PLK4: variants seen among roughly 807,000 people sequenced by gnomAD.
The protein encoded by PLK4 is serine/threonine-protein kinase PLK4.
A neutral mutation model predicts 103.0 loss-of-function variants in PLK4; 51 were observed. The observed-to-expected ratio is 0.50, with a 90% confidence interval of 0.40 to 0.63. PLK4 has a LOEUF of 0.63. Among genes scored for constraint, PLK4 ranks in the 20% least tolerant of loss-of-function variants. The pLI is 0.00. For missense variants in PLK4, 1,054 were observed against 1,151.0 expected, an observed-to-expected ratio of 0.92 and a Z score of 1.22; for synonymous variants, 389 against 376.8, an observed-to-expected ratio of 1.03 and a Z score of -0.38.
At chr4:127,884,085 T>C (rs1443722654) in intron 4 of PLK4, among the ~76,000 whole-genome samples, 1 of 152,194 alleles carries the variant, frequency 6.6e-6, no homozygotes, top group Non-Finnish European at 1.5e-5. Context: ...CTAGAAATAT[T>C]TCAAAGTATA....
intron 14 of PLK4, 74 bp downstream of exon 14, chr4:127,895,167 C>A: frequency 2.1e-6 from 2 of 950,146 alleles, no homozygotes; most frequent in Non-Finnish European, 3.0e-6. Context: ...AGACAATTAC[C>A]AAAAAATACA....
At chr4:127,887,712 C>CA (rs1735188406) in intron 6 of PLK4, among the ~76,000 whole-genome samples, 1 of 151,238 alleles carries the variant, frequency 6.6e-6, no homozygotes, top group Non-Finnish European at 1.5e-5. Flanking sequence ...CCTGTATCTA[C>CA]AAAAAATAAA....
chr4:127,881,893 C>T lies in PLK4; in HGVS notation c.93C>T (p.Ser31=). 6.2e-7 allele frequency: 1 copy of T among 1,606,016 alleles called. No homozygotes were observed. Among genetic ancestry groups the T allele is most frequent in the Non-Finnish European group, 8.5e-7 (1 of 1,172,626 alleles). Residue 31 remains serine (S), a synonymous_variant, in exon 2 of 16, where the codon TCC becomes TCT. Coordinates refer to ENST00000270861, the MANE Select transcript of PLK4 (RefSeq NM_014264.5). ...TTGCTGGTGTCTACAGAGCTGAGTC[C>T]ATTCACACTGGTTTGGAAGTTGCAA... ...GSFAGVYRAE[S]IHTGLEVAIK... is the part of the protein sequence containing the mutation.
chr4:127,888,973 A>G (rs544908318), intron 6 of PLK4, among the ~76,000 whole-genome samples: 3 of 152,294 alleles, frequency 2.0e-5, no homozygotes, highest in African/African-American at 7.2e-5. Flanking sequence ...AAACTATAAA[A>G]CTGCCACATA....
At chr4:127,892,662 G>A (rs1735406704) in intron 10 of PLK4, 148 bp downstream of exon 10, 1 of 553,002 alleles carries the variant, frequency 1.8e-6, no homozygotes, top group East Asian at 3.4e-5. Flanking sequence ...GAGTATACAT[G>A]TCAAATCATA....
intron 6 of PLK4, 50 bp from the exon 7 acceptor site, chr4:127,889,816 C>G (rs1278987799): frequency 7.5e-7 from 1 of 1,336,764 alleles, no homozygotes; most frequent in East Asian, 2.3e-5. Context: ...TTTGTGTCGA[C>G]TTGTGTTTTT....
intron 2 of PLK4, among the ~76,000 whole-genome samples, chr4:127,882,289 T>C (rs1308703940): frequency 6.6e-6 from 1 of 152,218 alleles, no homozygotes; most frequent in Admixed American, 6.5e-5. Flanking sequence ...TTGTTAGAAG[T>C]CAGCCTAATA....
chr4:127,891,072 TG>T lies in PLK4; in HGVS notation c.1831-17del. On this transcript the variant is annotated intron_variant, in intron 7 of 15. Transcript: ENST00000270861. ...TAAACAAAAGAATTATTACTGATTT[TG>T]GGTTTTTTTTTTTTTTAGGTGAGCA... 5 of 1,354,654 alleles carry T rather than the reference TG, an allele frequency of 3.7e-6. No individual in the cohort carries two copies. Among genetic ancestry groups the T allele is most frequent in the South Asian group, 1.3e-5 (1 of 78,222 alleles). 83.9% of individuals were successfully genotyped at this position (1,354,654 alleles called of 1,614,324 possible).
chr4:127,883,625 AGG>A, intron 4 of PLK4, 72 bp downstream of exon 4: 1 of 673,340 alleles, frequency 1.5e-6, no homozygotes, highest in Non-Finnish European at 2.7e-6. Flanking sequence ...TGTAGTTTTG[AGG>A]AATATGCTAT....
chr4:127,887,527 A>G (rs1439412981), intron 6 of PLK4, 31 bp downstream of exon 6: 19 of 1,222,572 alleles, frequency 1.6e-5, no homozygotes, highest in Non-Finnish European at 2.3e-5. Flanking sequence ...TTAATCAAGA[A>G]TTAATTACTT....
At chr4:127,894,100 T>G (rs995327678) in intron 13 of PLK4, among the ~76,000 whole-genome samples, 10 of 152,228 alleles carry the variant, frequency 6.6e-5, no homozygotes, top group Non-Finnish European at 1.5e-4. Flanking sequence ...TCACTTGACC[T>G]GGAACTCTTT....
At chr4:127,888,917 CTTTT>C (rs1428970701) in intron 6 of PLK4, among the ~76,000 whole-genome samples, 1 of 151,870 alleles carries the variant, frequency 6.6e-6, no homozygotes, top group Non-Finnish European at 1.5e-5. Flanking sequence ...GGAAATTAAT[CTTTT>C]TATTTATAGT....
chr4:127,884,577 G>A (rs1313115366), intron 4 of PLK4, among the ~76,000 whole-genome samples: 4 of 152,188 alleles, frequency 2.6e-5, no homozygotes, highest in Non-Finnish European at 5.9e-5. Context: ...GCTGAGGCAC[G>A]TAGATCACCT....
chr4:127,891,889 A>G (rs1735373355), intron 9 of PLK4: 1 of 303,592 alleles, frequency 3.3e-6, no homozygotes. Context: ...ACTATATTCT[A>G]TTTAAAAACT....
At chr4:127,881,244 G>A (rs1734905683) in intron 1 of PLK4, 80 bp downstream of exon 1, 4 of 1,605,250 alleles carry the variant, frequency 2.5e-6, no homozygotes, top group South Asian at 2.2e-5. Flanking sequence ...GAAGGGGAGC[G>A]AACGAAGCTA....
chr4:127,892,093 A>C, intron 9 of PLK4: 1 of 255,392 alleles, frequency 3.9e-6, no homozygotes, highest in Non-Finnish European at 7.3e-6. Context: ...AAAATAATTC[A>C]CCATGTATGT....
At chr4:127,895,330 T>C (rs1357766614) in intron 14 of PLK4, among the ~76,000 whole-genome samples, 1 of 152,116 alleles carries the variant, frequency 6.6e-6, no homozygotes, top group Non-Finnish European at 1.5e-5. Context: ...GGTGACCTAC[T>C]TTTGCCATTT....
rs955550356 is a variant in PLK4 at position 127,892,421 on chromosome 4, A to G, written c.2095A>G (p.Lys699Glu). The change falls in exon 10 of 16, where the codon AAA (lysine) becomes GAA (glutamate). Residue 699 changes from lysine (K) to glutamate (E), a missense_variant. Physicochemically the swap from Lys to Glu is moderately conservative, Grantham distance 56. Around this residue, in one of 4 missense-constraint regions of PLK4, gnomAD observed 680 missense variants for 660.3 expected, o/e 1.03. Coordinates refer to ENST00000270861, the MANE Select transcript of PLK4 (RefSeq NM_014264.5). ...ASRFVQLVRS[K>E]SPKITYFTRY... The stretch of plus-strand genomic sequence containing the variant: ...CAGGTTTGTACAGCTTGTAAGATCT[A>G]AATCTCCCAAAATCACTTATTTTAC... 3 of 1,584,350 alleles carry G rather than the reference A, an allele frequency of 1.9e-6. No individual in the cohort carries two copies. Among genetic ancestry groups the G allele is most frequent in the Non-Finnish European group, 2.6e-6 (3 of 1,167,538 alleles).
At position 127,883,461 on chromosome 4, in the gene PLK4, G is replaced by C. The variant is rs746084633; in HGVS notation, c.245G>C (p.Ser82Thr). ...CAGCTTTATAACTATTTTGAAGATA[G>C]CAATTATGTGTATCTGGTATTAGAA... ...ILELYNYFEDSNYVYLVLEMC... is the reference protein window; with the variant it reads ...ILELYNYFEDTNYVYLVLEMC... The change falls in exon 4 of 16, where the codon AGC (serine) becomes ACC (threonine). Residue 82 changes from serine to threonine, a missense_variant. Physicochemically the swap from Ser to Thr is moderately conservative, Grantham distance 58. Coordinates refer to ENST00000270861, the MANE Select transcript of PLK4 (RefSeq NM_014264.5). 1 of 1,506,172 alleles carries C rather than the reference G, an allele frequency of 6.6e-7. No homozygotes were observed. 93.3% of individuals were successfully genotyped at this position (1,506,172 alleles called of 1,614,324 possible). A position where few individuals can be genotyped will look rare whatever the true frequency, so the allele number is the denominator to read the frequency against.
Sources: gnomAD v4.1 joint callset for allele counts (sites outside exome capture counted in the v4.1 genomes callset) on GRCh38, gnomAD v4.1.1 for gene constraint, gnomAD v4.1.1 regional missense constraint, MANE v1.5 for transcripts, NCBI Gene and HGNC (gene_info 2026-07-23, HGNC 2026-07-21) for gene names.